The following ECE1 variants were observed in gnomAD, a reference collection of about 807,000 sequenced individuals.
ECE1 encodes endothelin converting enzyme 1, also known as endothelin-converting enzyme 1.
A neutral mutation model predicts 98.6 loss-of-function variants in ECE1; 35 were observed. The observed-to-expected ratio is 0.35, with a 90% CI of 0.27 to 0.47. The LOEUF (loss-of-function observed/expected upper bound fraction) is 0.47, where lower values mean the gene tolerates loss of function less well. ECE1 is among the 20% of genes least tolerant of loss of function. ECE1 has a pLI of 1.00. For synonymous variants in ECE1, 394 were observed against 407.1 expected, an observed-to-expected ratio of 0.97 and a Z score of 0.39; for missense variants, 814 against 1,025.3, an observed-to-expected ratio of 0.79 and a Z score of 2.81.
chr1:21,299,460 C>T (rs1428831953), intron 1 of ECE1: 1 of 153,220 alleles, frequency 6.5e-6, no homozygotes, highest in African/African-American at 2.4e-5. Context: ...CCCTCTTCAG[C>T]CCAGGCGATG....
At chr1:21,335,454 T>C (rs1639290032) in intron 1 of ECE1, among the ~76,000 whole-genome samples, 1 of 152,112 alleles carries the variant, frequency 6.6e-6, no homozygotes, top group Admixed American at 6.5e-5. Context: ...CCTCCTTGGG[T>C]GCTCACAACC....
At position 21,337,960 on chromosome 1, in the gene ECE1, TCC is replaced by T. The variant is rs547888547; in HGVS notation, c.3+7414_3+7415del. On this transcript the variant is annotated intron_variant, in intron 1 of 18. Coordinates refer to the ECE1 transcript ENST00000415912. ...CAGCCAGTCCTCGCCCCTCGCCCCC[TCC>T]TCTCCAGTGCTGGAAGGAACAGCTC... Among the ~76,000 whole-genome samples the T allele has an allele frequency of 3.7e-4, 56 of 151,966 alleles. No homozygotes were observed. The South Asian group carries it at 0.011, about 31-fold the overall frequency.
chr1:21,330,226 C>CTTTTTTT lies in ECE1; in HGVS notation c.3+15143_3+15149dup, dbSNP rs71014186. Among the ~76,000 whole-genome samples, 4 of 43,376 alleles carry CTTTTTTT rather than the reference C, an allele frequency of 9.2e-5. 1 individual carries two copies. Among genetic ancestry groups the CTTTTTTT allele is most frequent in the Non-Finnish European group, 1.5e-4 (3 of 19,678 alleles). The allele number at this position is 43,376 out of a possible 152,430, so 28.5% of individuals were successfully genotyped here. On this transcript the variant is annotated intron_variant, in intron 1 of 18. Transcript: ENST00000415912. ...CTCCTGCCCACATACTCGCCAAATA[C>CTTTTTTT]TTTTTTTTTTTTTTTTTTTTTTTTT...
chr1:21,244,400 G>A (rs1016796358), intron 10 of ECE1, among the ~76,000 whole-genome samples: 3 of 152,146 alleles, frequency 2.0e-5, no homozygotes, highest in Admixed American at 6.5e-5. Flanking sequence ...ACCATTAGTC[G>A]GCTGCATGAG....
intron 16 of ECE1, among the ~76,000 whole-genome samples, chr1:21,226,530 G>A (rs533654550): frequency 1.2e-4 from 19 of 152,270 alleles, no homozygotes; most frequent in African/African-American, 4.1e-4. Context: ...AGTGGGGCCT[G>A]GAAGATGATT....
At chr1:21,298,600 C>T in intron 1 of ECE1, 1 of 382,660 alleles carries the variant, frequency 2.6e-6, no homozygotes, top group Non-Finnish European at 5.3e-6. Flanking sequence ...GAAGGAACGA[C>T]CAGAGAAGAC....
intron 1 of ECE1, among the ~76,000 whole-genome samples, chr1:21,297,487 C>T (rs1638385543): frequency 6.6e-6 from 1 of 151,768 alleles, no homozygotes; most frequent in Non-Finnish European, 1.5e-5. Flanking sequence ...TTTAGTCTTT[C>T]AGCTCCTGGC....
chr1:21,271,998 TCA>T (rs1394606928), intron 4 of ECE1, among the ~76,000 whole-genome samples: 3 of 151,940 alleles, frequency 2.0e-5, no homozygotes, highest in East Asian at 1.9e-4. Context: ...CTTTCAAAAC[TCA>T]CAGTCAATAC....
At position 21,225,232 on chromosome 1, in the gene ECE1, G is replaced by T. The variant is rs946811316; in HGVS notation, c.2040+18C>A. The T allele has an allele frequency of 6.2e-7, 1 of 1,613,438 alleles. No individual in the cohort carries two copies. Among genetic ancestry groups the T allele is most frequent in the African/African-American group, 1.3e-5 (1 of 74,936 alleles). ...GCCAGCACTGGGACCGTGCGCGTGT[G>T]GGGAGCGGGGCTCTCACCCGATAGG... On this transcript the variant is annotated intron_variant, in intron 17 of 18. Coordinates refer to ENST00000374893, the MANE Select transcript of ECE1 (RefSeq NM_001397.3). The surrounding 1 kb of genome is among the most constrained non-coding windows in gnomAD (Gnocchi z 5.3).
At chr1:21,306,901 A>G (rs952016915) in intron 1 of ECE1, among the ~76,000 whole-genome samples, 1 of 152,148 alleles carries the variant, frequency 6.6e-6, no homozygotes, top group East Asian at 1.9e-4. Context: ...AGATGAACTA[A>G]CTGAGGCCCC....
chr1:21,292,171 TA>T (rs1006669539), upstream of ECE1, among the ~76,000 whole-genome samples: 1 of 150,800 alleles, frequency 6.6e-6, no homozygotes, highest in Admixed American at 6.6e-5. Context: ...ATAAATAAAA[TA>T]AAAAAAAATT....
chr1:21,259,626 G>C (rs1469440975), intron 5 of ECE1, among the ~76,000 whole-genome samples: 1 of 152,126 alleles, frequency 6.6e-6, no homozygotes, highest in Non-Finnish European at 1.5e-5. Flanking sequence ...AGCGCATGCA[G>C]CCACCAACCC....
rs377435083 is a variant in ECE1 at position 21,223,402 on chromosome 1, C to T, written c.2041-1560G>A. On this transcript the variant is annotated intron_variant, in intron 17 of 18. Transcript: ENST00000374893. ...CTCCTGGGTTTAAAAGATTCTCATGCCTCAGCCTCCCAAGTAGCTAGGATT... is the reference window on the plus strand; with the variant it reads ...CTCCTGGGTTTAAAAGATTCTCATGTCTCAGCCTCCCAAGTAGCTAGGATT... Among the ~76,000 whole-genome samples, 10 of 152,276 alleles carry T rather than the reference C, an allele frequency of 6.6e-5. No homozygotes were observed. In the East Asian group the frequency reaches 1.2e-3, roughly 18 times the overall value.
At chr1:21,295,677 T>A (rs574059250) in intron 1 of ECE1, among the ~76,000 whole-genome samples, 2 of 152,382 alleles carry the variant, frequency 1.3e-5, no homozygotes, top group Non-Finnish European at 2.9e-5. Flanking sequence ...TTCAGCTTTT[T>A]CCTTGTCCAC....
At chr1:21,282,227 C>T (rs1327149725) in intron 2 of ECE1, among the ~76,000 whole-genome samples, 3 of 151,982 alleles carry the variant, frequency 2.0e-5, no homozygotes, top group African/African-American at 7.2e-5. Context: ...AAGGTCGAGG[C>T]TGCAGTAAGC....
chr1:21,257,402 C>T, intron 7 of ECE1, 123 bp downstream of exon 7: 1 of 1,070,752 alleles, frequency 9.3e-7, no homozygotes. Flanking sequence ...GCCTGTTTCA[C>T]CCATCAGGTC....
chr1:21,307,608 C>G lies in ECE1; in HGVS notation c.4-17452G>C, dbSNP rs1638627778. On this transcript the variant is annotated intron_variant, in intron 1 of 18. Coordinates refer to the ECE1 transcript ENST00000415912. The surrounding 1 kb of genome is among the most constrained non-coding windows in gnomAD (Gnocchi z 4.2). Reference sequence around the variant, plus strand: ...GGACATTTTCTTGCACCCCAGGAGGCATTCCTGTCATTTGTCCCCACTGGG... The same window carrying G: ...GGACATTTTCTTGCACCCCAGGAGGGATTCCTGTCATTTGTCCCCACTGGG... Among the ~76,000 whole-genome samples the G allele has an allele frequency of 6.6e-6, 1 of 152,216 alleles. No individual in the cohort carries two copies. The highest frequency in any genetic ancestry group is 1.5e-5 in the Non-Finnish European group (1 of 68,036).
chr1:21,344,989 C>T (rs1206581890), intron 1 of ECE1: 4 of 163,668 alleles, frequency 2.4e-5, no homozygotes, highest in Non-Finnish European at 5.3e-5. Flanking sequence ...CTCGAAATCG[C>T]CGCCACCCGC....
At chr1:21,311,863 C>G (rs1462253376) in intron 1 of ECE1, among the ~76,000 whole-genome samples, 1 of 151,786 alleles carries the variant, frequency 6.6e-6, no homozygotes, top group Admixed American at 6.6e-5. Context: ...GTGGCTCACA[C>G]CTGTAATCCC....
Sources: allele counts gnomAD v4.1 joint callset (sites outside exome capture counted in the v4.1 genomes callset), GRCh38; gene constraint gnomAD v4.1.1; non-coding constraint Gnocchi (gnomAD v3.1); transcripts MANE v1.5; gene names NCBI Gene and HGNC (gene_info 2026-07-23, HGNC 2026-07-21).